The following NIPSNAP2 variants were observed in gnomAD, a reference collection of about 807,000 sequenced individuals.
NIPSNAP2 encodes protein NipSnap homolog 2.
NIPSNAP2 carries 42 observed loss-of-function variants against 48.4 expected under a neutral mutation model. That is an observed-to-expected ratio of 0.87 (90% CI 0.68 to 1.12). The LOEUF (loss-of-function observed/expected upper bound fraction) is 1.12, where lower values mean the gene tolerates loss of function less well. Ranked by LOEUF, NIPSNAP2 falls within the 50% of genes most tolerant of loss-of-function variation. The pLI is 0.00. For missense variants in NIPSNAP2, 314 were observed against 347.3 expected (o/e 0.90, Z 0.76); for synonymous variants, 158 against 126.6 (o/e 1.25, Z -1.67).
At chr7:55,981,900 G>A (rs1157161718) in intron 4 of NIPSNAP2, 11 of 318,046 alleles carry the variant, frequency 3.5e-5, no homozygotes, top group African/African-American at 6.4e-5. Context: ...TCTGCCTCCC[G>A]GGTTTAAGCG....
chr7:55,981,998 G>A, intron 4 of NIPSNAP2: 1 of 385,270 alleles, frequency 2.6e-6, no homozygotes, highest in Admixed American at 4.1e-5. Context: ...GTAGAGACAG[G>A]GTTTCACCAT....
chr7:55,967,187 A>T (rs1369602442), intron 1 of NIPSNAP2, among the ~76,000 whole-genome samples: 1 of 151,926 alleles, frequency 6.6e-6, no homozygotes, highest in Middle Eastern at 3.2e-3. Context: ...CCAGGATTTA[A>T]CTCCTCTTCC....
chr7:55,990,999 C>A (rs1787433153), intron 7 of NIPSNAP2, among the ~76,000 whole-genome samples: 1 of 152,012 alleles, frequency 6.6e-6, no homozygotes, highest in African/African-American at 2.4e-5. Context: ...CCATGTTGGC[C>A]AGGCTGATCT....
intron 1 of NIPSNAP2, among the ~76,000 whole-genome samples, chr7:55,970,554 C>G (rs984676792): frequency 1.3e-5 from 2 of 151,988 alleles, no homozygotes; most frequent in Admixed American, 6.6e-5. Context: ...CCAGATGATC[C>G]GCCCACCTCG....
chr7:55,978,277 G>T lies in NIPSNAP2; in HGVS notation c.232+12G>T. On this transcript the variant is annotated intron_variant, in intron 2 of 9. Transcript: ENST00000322090. ...ATACAAATTACAGTGTGAGTGACAG[G>T]TTTGCTATCTTCATAGTTGACTTTT... The T allele has an allele frequency of 6.2e-7, 1 of 1,613,806 alleles. No homozygotes were observed. The highest frequency in any genetic ancestry group is 1.7e-5 in the Admixed American group (1 of 59,980).
chr7:55,967,587 C>T (rs968460397), intron 1 of NIPSNAP2, among the ~76,000 whole-genome samples: 5 of 151,826 alleles, frequency 3.3e-5, no homozygotes, highest in Non-Finnish European at 7.4e-5. Context: ...CCACCTCAGC[C>T]TCCCAAGTAG....
intron 4 of NIPSNAP2, chr7:55,981,808 A>G: frequency 4.7e-6 from 2 of 425,022 alleles, no homozygotes; most frequent in Non-Finnish European, 8.4e-6. Flanking sequence ...GGGGCATTAC[A>G]GTTTTTTTGT....
chr7:55,984,066 A>T (rs964608098), intron 6 of NIPSNAP2, among the ~76,000 whole-genome samples, 198 bp downstream of exon 6: 6 of 152,058 alleles, frequency 3.9e-5, no homozygotes, highest in African/African-American at 1.2e-4. Context: ...CCTTACACAT[A>T]ATGCTTATTA....
At chr7:55,978,093 A>G (rs777875481) in intron 1 of NIPSNAP2, 33 bp from the exon 2 acceptor site, 3 of 1,612,752 alleles carry the variant, frequency 1.9e-6, no homozygotes, top group African/African-American at 1.3e-5. Context: ...TGAAAACAGT[A>G]TACTGCGTGA....
chr7:55,979,124 T>C (rs1787161723), intron 3 of NIPSNAP2: 1 of 152,334 alleles, frequency 6.6e-6, no homozygotes, highest in African/African-American at 2.4e-5. Context: ...AGCATACTTT[T>C]TAGAAGAAAA....
At chr7:55,970,433 C>T (rs547584686) in intron 1 of NIPSNAP2, among the ~76,000 whole-genome samples, 34 of 151,846 alleles carry the variant, frequency 2.2e-4, no homozygotes, top group Admixed American at 1.0e-3. Context: ...CTCAGCCTCC[C>T]GAGTAGCTGG....
chr7:55,985,322 T>C (rs1184131169), intron 7 of NIPSNAP2, among the ~76,000 whole-genome samples: 1 of 152,184 alleles, frequency 6.6e-6, no homozygotes, highest in East Asian at 1.9e-4. Flanking sequence ...ATACACACCA[T>C]GTCAATAATG....
chr7:55,979,513 C>T, intron 3 of NIPSNAP2: 1 of 305,560 alleles, frequency 3.3e-6, no homozygotes, highest in Non-Finnish European at 6.5e-6. Flanking sequence ...GTGAATCTGT[C>T]ACCTAAGCTG....
At chr7:55,971,403 C>T (rs1245712236) in intron 1 of NIPSNAP2, among the ~76,000 whole-genome samples, 1 of 152,184 alleles carries the variant, frequency 6.6e-6, no homozygotes, top group Non-Finnish European at 1.5e-5. Context: ...TTTTCGATTA[C>T]TAGCATTGTC....
rs190399283 is a variant in NIPSNAP2 at position 55,974,704 on chromosome 7, C to T, written c.93-3422C>T. On this transcript the variant is annotated intron_variant, in intron 1 of 9. Coordinates refer to ENST00000322090, the MANE Select transcript of NIPSNAP2 (RefSeq NM_001483.3). ...TCTACTAAAAATACAAAAAATTAGCCGGGTGTGGCGGCGGGCGCCTGTAGT... is the reference window on the plus strand; with the variant it reads ...TCTACTAAAAATACAAAAAATTAGCTGGGTGTGGCGGCGGGCGCCTGTAGT... Among the ~76,000 whole-genome samples the T allele has an allele frequency of 2.8e-3, 426 of 151,940 alleles. 4 individuals are homozygous for T. Among genetic ancestry groups the T allele is most frequent in the African/African-American group, 9.5e-3 (393 of 41,484 alleles).
Position 55,999,231 on chromosome 7 carries a change from AGAAAG to A in NIPSNAP2, c.*165_*169del. 1 of 637,896 alleles carries A rather than the reference AGAAAG, an allele frequency of 1.6e-6. No homozygotes were observed. Among genetic ancestry groups the A allele is most frequent in the Non-Finnish European group, 2.8e-6 (1 of 361,204 alleles). The allele number at this position is 637,896 out of a possible 1,614,324, so 39.5% of individuals were successfully genotyped here. ...TTTCTTTAAAATTTACATAATCACAAGAAAGGAAAGAATTACAGTTGGACTGATTG... is the reference window on the plus strand; with the variant it reads ...TTTCTTTAAAATTTACATAATCACAAGAAAGAATTACAGTTGGACTGATTG... On this transcript the variant is annotated 3_prime_UTR_variant, in exon 10 of 10. Coordinates refer to ENST00000322090, the MANE Select transcript of NIPSNAP2 (RefSeq NM_001483.3).
rs1040114677 is a variant in NIPSNAP2 at position 56,000,112 on chromosome 7, A to G, written c.*1040A>G. On this transcript the variant is annotated 3_prime_UTR_variant, in exon 10 of 10. Transcript: ENST00000322090. ...TGAATAAATCTCATATCAAATGTCAAACTTTTACATGTGAATGATTTTCTC... is the reference window on the plus strand; with the variant it reads ...TGAATAAATCTCATATCAAATGTCAGACTTTTACATGTGAATGATTTTCTC... 4.6e-5 allele frequency: 7 copies of G among 152,646 alleles called. No homozygotes were observed. Among genetic ancestry groups the G allele is most frequent in the African/African-American group, 9.6e-5 (4 of 41,460 alleles). The allele number at this position is 152,646 out of a possible 1,614,324, so 9.5% of individuals were successfully genotyped here. A position where few individuals can be genotyped will look rare whatever the true frequency, so the allele number is the denominator to read the frequency against.
At chr7:55,977,379 A>T in intron 1 of NIPSNAP2, among the ~76,000 whole-genome samples, 1 of 152,196 alleles carries the variant, frequency 6.6e-6, no homozygotes. Flanking sequence ...CGATAGAGCG[A>T]GACTCCATCT....
chr7:55,983,587 G>C, intron 5 of NIPSNAP2, 141 bp from the exon 6 acceptor site: 2 of 665,182 alleles, frequency 3.0e-6, no homozygotes, highest in Non-Finnish European at 5.0e-6. Context: ...AAGCTCAACA[G>C]ATGTAAACTG....
Sources: gnomAD v4.1 joint callset for allele counts (sites outside exome capture counted in the v4.1 genomes callset) on GRCh38, gnomAD v4.1.1 for gene constraint, MANE v1.5 for transcripts, NCBI Gene and HGNC (gene_info 2026-07-23, HGNC 2026-07-21) for gene names.